KCNQ1: variants seen among roughly 807,000 people sequenced by gnomAD.
KCNQ1 encodes potassium voltage-gated channel subfamily Q member 1.
In KCNQ1, 49 loss-of-function variants were observed where a neutral mutation model predicts 72.4. The ratio of observed to expected loss-of-function variants is 0.68; its 90% CI spans 0.54 to 0.86. The LOEUF (loss-of-function observed/expected upper bound fraction) is 0.86, where lower values mean the gene tolerates loss of function less well. Among genes scored for constraint, KCNQ1 ranks in the 40% least tolerant of loss-of-function variants. The pLI is 0.00. For missense variants in KCNQ1, 790 were observed against 945.1 expected (o/e 0.84, Z 2.15); for synonymous variants, 450 against 412.6 (o/e 1.09, Z -1.10).
At chr11:2,776,938 G>A (rs748845289) in intron 13 of KCNQ1, 48 bp from the exon 14 acceptor site, 12 of 1,577,468 alleles carry the variant, frequency 7.6e-6, no homozygotes, top group South Asian at 3.3e-5. Context: ...GTGCATCTGC[G>A]CAGTGCCAGG....
rs1280370469 is a variant in KCNQ1, at chr11:2,564,834, A to G, written c.478-5794A>G. On this transcript the variant is annotated intron_variant, in intron 2 of 15. Coordinates refer to ENST00000155840, the MANE Select transcript of KCNQ1 (RefSeq NM_000218.3). The surrounding 1 kb of genome is among the most constrained non-coding windows in gnomAD (Gnocchi z 4.5). ...CGACCTCACGTGAGTGGAAGCAGAT[A>G]GTATTTGTCCTTGTGTAACTGGATC... Among the ~76,000 whole-genome samples the G allele has an allele frequency of 1.3e-5, 2 of 152,200 alleles. No homozygotes were observed. Among genetic ancestry groups the G allele is most frequent in the African/African-American group, 4.8e-5 (2 of 41,440 alleles).
chr11:2,514,902 G>A lies in KCNQ1; in HGVS notation c.387-13026G>A, dbSNP rs745319946. ...ACCCTGAGGACCCACACCCTGAGCC[G>A]CCAGTGGGTCGTGTTGACCTGGCAG... On this transcript the variant is annotated intron_variant, in intron 1 of 15. Coordinates refer to ENST00000155840, the MANE Select transcript of KCNQ1 (RefSeq NM_000218.3). Among the ~76,000 whole-genome samples the A allele has an allele frequency of 6.6e-5, 10 of 152,306 alleles. No homozygotes were observed. In the East Asian group the frequency reaches 1.2e-3, roughly 18 times the overall value.
chr11:2,800,311 G>A (rs1414327012), intron 15 of KCNQ1, among the ~76,000 whole-genome samples: 1 of 152,254 alleles, frequency 6.6e-6, no homozygotes, highest in Admixed American at 6.5e-5. Flanking sequence ...GGGGCTGACA[G>A]CCGTTCCTGC....
rs546602647 is a variant in KCNQ1 at position 2,478,885 on chromosome 11, T to C, written c.386+33401T>C. Among the ~76,000 whole-genome samples the C allele has an allele frequency of 6.6e-6, 1 of 152,338 alleles. No individual in the cohort carries two copies. Among genetic ancestry groups the C allele is most frequent in the East Asian group, 1.9e-4 (1 of 5,192 alleles). ...TAAAATCAAAAGCAAGTTAGTTAATTCCTAGACACAATTAGGGTACAGGCC... is the reference window on the plus strand; with the variant it reads ...TAAAATCAAAAGCAAGTTAGTTAATCCCTAGACACAATTAGGGTACAGGCC... On this transcript the variant is annotated intron_variant, in intron 1 of 15. Coordinates refer to ENST00000155840, the MANE Select transcript of KCNQ1 (RefSeq NM_000218.3). The surrounding 1 kb of genome is among the most constrained non-coding windows in gnomAD (Gnocchi z 4.0).
intron 1 of KCNQ1, among the ~76,000 whole-genome samples, chr11:2,490,952 C>T (rs921338266): frequency 4.6e-5 from 7 of 152,116 alleles, no homozygotes; most frequent in South Asian, 2.1e-4. Context: ...GTGATCTGCC[C>T]GCCTCGGCCT....
At chr11:2,778,343 C>G (rs922846031) in intron 15 of KCNQ1, among the ~76,000 whole-genome samples, 1 of 152,256 alleles carries the variant, frequency 6.6e-6, no homozygotes, top group African/African-American at 2.4e-5. Flanking sequence ...CTCTCGTAGT[C>G]TGCTTTGTGC....
intron 1 of KCNQ1, among the ~76,000 whole-genome samples, chr11:2,500,831 A>C (rs1846997533): frequency 2.2e-5 from 3 of 137,092 alleles, no homozygotes; most frequent in African/African-American, 8.1e-5. Context: ...CAAGGAGAAC[A>C]CATGGACACA....
At chr11:2,707,891 G>A (rs940137445) in intron 11 of KCNQ1, among the ~76,000 whole-genome samples, 3 of 152,240 alleles carry the variant, frequency 2.0e-5, no homozygotes, top group Non-Finnish European at 2.9e-5. Flanking sequence ...GAGCATGGGG[G>A]ACAGGGCAGG....
At chr11:2,736,182 C>G (rs528767344) in intron 11 of KCNQ1, among the ~76,000 whole-genome samples, 1 of 152,332 alleles carries the variant, frequency 6.6e-6, no homozygotes, top group African/African-American at 2.4e-5. Context: ...TCAGTTTACC[C>G]TGTGCTCCCA....
chr11:2,650,887 G>T (rs1849746530), intron 10 of KCNQ1: 1 of 398,516 alleles, frequency 2.5e-6, no homozygotes, highest in South Asian at 1.3e-4. Flanking sequence ...GGGATGAGGA[G>T]CAGCATGCTA....
At position 2,647,266 on chromosome 11, in the gene KCNQ1, A is replaced by T. The variant is rs1488630664; in HGVS notation, c.1394-14695A>T. 2 of 397,942 alleles carry T rather than the reference A, an allele frequency of 5.0e-6. No homozygotes were observed. 24.7% of individuals were successfully genotyped at this position (397,942 alleles called of 1,614,324 possible). ...TTTTGTCCTTCCTTCTGTTAATGTG[A>T]TGTATCACATTTATTGATTTGTATA... On this transcript the variant is annotated intron_variant, in intron 10 of 15. Coordinates refer to ENST00000155840, the MANE Select transcript of KCNQ1 (RefSeq NM_000218.3). The surrounding 1 kb of genome is among the most constrained non-coding windows in gnomAD (Gnocchi z 4.0).
intron 11 of KCNQ1, chr11:2,667,032 T>C (rs1017671292): frequency 4.8e-5 from 19 of 398,514 alleles, no homozygotes; most frequent in Non-Finnish European, 7.5e-5. Flanking sequence ...GAGCCCCACA[T>C]AGCCCCAGCC....
In KCNQ1 at chr11:2,671,353, G is replaced by C; in HGVS notation, c.1514+9272G>C. On this transcript the variant is annotated intron_variant, in intron 11 of 15. Transcript: ENST00000155840. The surrounding 1 kb of genome is among the most constrained non-coding windows in gnomAD (Gnocchi z 4.7). ...AGAGGCTCCCTCTGAAGATGACACT[G>C]GGAATATCCTGAAAAAGGTACAGGA... is the stretch of plus-strand genomic sequence containing the variant. The C allele has an allele frequency of 2.5e-6, 1 of 398,564 alleles. No individual in the cohort carries two copies. Among genetic ancestry groups the C allele is most frequent in the African/African-American group, 2.1e-5 (1 of 48,728 alleles). 24.7% of individuals were successfully genotyped at this position (398,564 alleles called of 1,614,324 possible). A position where few individuals can be genotyped will look rare whatever the true frequency, so the allele number is the denominator to read the frequency against.
rs938059210 is a variant in KCNQ1, at chr11:2,796,876, G to A, written c.1794+18839G>A. ...AAAACGATGGGGCAGGGAAACGTTC[G>A]CCATTCGGTGCCAATAAAGGCCGCC... On this transcript the variant is annotated intron_variant, in intron 15 of 15. Transcript: ENST00000155840. 2.0e-5 allele frequency among the ~76,000 whole-genome samples: 3 copies of A among 152,358 alleles called. No homozygotes were observed. In the East Asian group the frequency reaches 5.8e-4, roughly 29 times the overall value.
At chr11:2,806,669 G>A (rs1847379978) in intron 15 of KCNQ1, among the ~76,000 whole-genome samples, 1 of 152,204 alleles carries the variant, frequency 6.6e-6, no homozygotes, top group Non-Finnish European at 1.5e-5. Context: ...TGTCCTGGGG[G>A]ATCCCCATTC....
chr11:2,475,033 T>A lies in KCNQ1; in HGVS notation c.386+29549T>A, dbSNP rs1375138249. 6.6e-6 allele frequency among the ~76,000 whole-genome samples: 1 copy of A among 152,200 alleles called. No homozygotes were observed. The highest frequency in any genetic ancestry group is 2.4e-5 in the African/African-American group (1 of 41,432). On this transcript the variant is annotated intron_variant, in intron 1 of 15. Coordinates refer to ENST00000155840, the MANE Select transcript of KCNQ1 (RefSeq NM_000218.3). The surrounding 1 kb of genome is among the most constrained non-coding windows in gnomAD (Gnocchi z 5.8). ...ACACGTAACGTAAAATTGACCTTTT[T>A]AACCCATGTTTCATGGTCTTCGGTT...
intron 11 of KCNQ1, among the ~76,000 whole-genome samples, chr11:2,756,441 T>TAAAAAAAAAAAAAAAAAA (rs59499292): frequency 7.3e-6 from 1 of 137,244 alleles, no homozygotes. Flanking sequence ...TTACTAAAAT[T>TAAAAAAAAAAAAAAAAAA]AAAAAAAAAA....
At chr11:2,607,914 A>G (rs1299589087) in intron 10 of KCNQ1, among the ~76,000 whole-genome samples, 1 of 152,212 alleles carries the variant, frequency 6.6e-6, no homozygotes. Flanking sequence ...CAGTTATTGT[A>G]ATGAAATACA....
intron 1 of KCNQ1, among the ~76,000 whole-genome samples, chr11:2,472,771 T>G (rs542419136): frequency 3.4e-4 from 51 of 152,062 alleles, no homozygotes; most frequent in Non-Finnish European, 6.6e-4. Context: ...CCAGTAGAGC[T>G]GCCCAGCCCT....
Sources: allele counts gnomAD v4.1 joint callset (sites outside exome capture counted in the v4.1 genomes callset), GRCh38; gene constraint gnomAD v4.1.1; non-coding constraint Gnocchi (gnomAD v3.1); transcripts MANE v1.5; gene names NCBI Gene and HGNC (gene_info 2026-07-23, HGNC 2026-07-21).